The following LIPH variants were observed in gnomAD, a reference collection of about 807,000 sequenced individuals.
The protein encoded by LIPH is lipase H.
Under a neutral mutation model 47.6 loss-of-function variants are expected in LIPH, and 32 were observed. The observed-to-expected ratio is 0.67, with a 90% CI of 0.51 to 0.90. The LOEUF (loss-of-function observed/expected upper bound fraction) is 0.90, where lower values mean the gene tolerates loss of function less well. Ranked by LOEUF, LIPH falls within the 40% of genes least tolerant of loss-of-function variation. The pLI, the probability that LIPH is intolerant of heterozygous loss-of-function variation, is 0.00. For missense variants in LIPH, 497 were observed against 541.4 expected, an observed-to-expected ratio of 0.92 and a Z score of 0.81; for synonymous variants, 190 against 195.6, an observed-to-expected ratio of 0.97 and a Z score of 0.24.
At chr3:185,549,159 C>A (rs906871669) in intron 1 of LIPH, among the ~76,000 whole-genome samples, 1 of 150,098 alleles carries the variant, frequency 6.7e-6, no homozygotes, top group Non-Finnish European at 1.5e-5. Context: ...ATATTTGTTT[C>A]TTTTTTACCC....
intron 5 of LIPH, among the ~76,000 whole-genome samples, chr3:185,522,256 C>T (rs1436975227): frequency 6.6e-6 from 1 of 152,194 alleles, no homozygotes; most frequent in Non-Finnish European, 1.5e-5. Flanking sequence ...CTTCACTTAG[C>T]ACCCTCACCC....
chr3:185,546,855 A>C, intron 1 of LIPH: 1 of 430,530 alleles, frequency 2.3e-6, no homozygotes, highest in South Asian at 1.7e-5. Context: ...TCAGCTACAC[A>C]CTCAGCTCTG....
chr3:185,546,163 C>T (rs1044756358), intron 1 of LIPH, among the ~76,000 whole-genome samples: 1 of 150,882 alleles, frequency 6.6e-6, no homozygotes, highest in African/African-American at 2.4e-5. Flanking sequence ...GAGACTCTGT[C>T]TCAAAAATAA....
chr3:185,545,211 G>A (rs74428431), intron 1 of LIPH, among the ~76,000 whole-genome samples: 7,263 of 152,188 alleles, frequency 0.048, 283 homozygotes, highest in East Asian at 0.24. Flanking sequence ...GCCATTTCCT[G>A]TTGACAGTTG....
intron 1 of LIPH, among the ~76,000 whole-genome samples, chr3:185,537,758 C>G (rs1476897874): frequency 6.6e-6 from 1 of 152,120 alleles, no homozygotes. Context: ...TGAGATCATA[C>G]TTGAGAAGAC....
chr3:185,522,499 G>C (rs1048624868), intron 5 of LIPH, among the ~76,000 whole-genome samples: 1 of 147,800 alleles, frequency 6.8e-6, no homozygotes, highest in African/African-American at 2.5e-5. Context: ...GGAAGGAAAA[G>C]GAAGGAAGGA....
At chr3:185,522,250 A>G (rs1276362769) in intron 5 of LIPH, among the ~76,000 whole-genome samples, 1 of 152,142 alleles carries the variant, frequency 6.6e-6, no homozygotes, top group Non-Finnish European at 1.5e-5. Flanking sequence ...CAGCATCTTC[A>G]CTTAGCACCC....
intron 3 of LIPH, among the ~76,000 whole-genome samples, chr3:185,529,576 C>T (rs1268841252): frequency 6.6e-6 from 1 of 151,214 alleles, no homozygotes; most frequent in South Asian, 2.1e-4. Flanking sequence ...CCACACCTAG[C>T]CTACCTGGTT....
rs1720712252 is a variant in LIPH, at chr3:185,541,561, C to T, written c.50-6429G>A. Among the ~76,000 whole-genome samples the T allele has an allele frequency of 2.0e-5, 3 of 151,672 alleles. No individual in the cohort carries two copies. In the South Asian group the frequency reaches 6.2e-4, roughly 31 times the overall value. The stretch of plus-strand genomic sequence containing the variant: ...GTGAGACTACAGGTGAGTGCCACCA[C>T]ACCAGGCTATTTTTTTTGAATTTTG... On this transcript the variant is annotated intron_variant, in intron 1 of 9. Coordinates refer to ENST00000296252, the MANE Select transcript of LIPH (RefSeq NM_139248.3).
intron 6 of LIPH, among the ~76,000 whole-genome samples, chr3:185,518,827 T>G (rs1719811345): frequency 6.6e-6 from 1 of 152,022 alleles, no homozygotes; most frequent in African/African-American, 2.4e-5. Context: ...GCTCAAGTGA[T>G]CCTCCCACCT....
intron 4 of LIPH, among the ~76,000 whole-genome samples, chr3:185,526,580 TAA>T (rs1720085286): frequency 2.3e-5 from 1 of 43,862 alleles, no homozygotes; most frequent in Non-Finnish European, 4.9e-5. Flanking sequence ...AAAATAAAAA[TAA>T]GATAAAATAA....
intron 1 of LIPH, among the ~76,000 whole-genome samples, chr3:185,542,243 A>G (rs1459299129): frequency 6.6e-6 from 1 of 152,084 alleles, no homozygotes; most frequent in Non-Finnish European, 1.5e-5. Context: ...CTCATACTCT[A>G]AACAGGTGTC....
In LIPH at chr3:185,534,822, G is replaced by A; in HGVS notation, c.360C>T (p.Ala120=). 1 of 1,613,576 alleles carries A rather than the reference G, an allele frequency of 6.2e-7. No individual in the cohort carries two copies. Among genetic ancestry groups the A allele is most frequent in the Non-Finnish European group, 8.5e-7 (1 of 1,179,516 alleles). Residue 120 remains alanine, a synonymous_variant, in exon 2 of 10, where the codon GCC becomes GCT. Transcript: ENST00000296252. ...TGGCTACTTTTCTGGTCTTACTAGA[G>A]GCATGGGTATATATTAAAGTTGTAG... ...RGATTLIYTH[A]SSKTRKVAMV... is the part of the protein sequence containing the mutation.
At position 185,506,846 on chromosome 3, in the gene LIPH, A is replaced by C. The variant is rs1392243352; in HGVS notation, c.*1944T>G. ...GACTCCATCTAAAAAAAAAAAAAAA[A>C]AAAAAAAAAAAAAACCAGGGCCTAC... On this transcript the variant is annotated 3_prime_UTR_variant, in exon 10 of 10. Transcript: ENST00000296252. 2 of 149,612 alleles carry C rather than the reference A, an allele frequency of 1.3e-5. No individual in the cohort carries two copies. Among genetic ancestry groups the C allele is most frequent in the Non-Finnish European group, 1.5e-5 (1 of 67,650 alleles). The allele number at this position is 149,612 out of a possible 1,614,324, so 9.3% of individuals were successfully genotyped here.
In LIPH at chr3:185,508,804, C is replaced by G. The variant is rs1351473622; in HGVS notation, c.1342G>C (p.Glu448Gln). 1 of 1,613,072 alleles carries G rather than the reference C, an allele frequency of 6.2e-7. No individual in the cohort carries two copies. The change falls in exon 10 of 10, where the codon GAG (glutamate) becomes CAG (glutamine). Residue 448 changes from glutamate to glutamine, a missense_variant. Physicochemically the swap from Glu to Gln is conservative, Grantham distance 29. Transcript: ENST00000296252. ...ETVFQPILCPELQL is the reference protein window; with the variant it reads ...ETVFQPILCPQLQL ...CCTGGCAACAGTTACAACTGCAACT[C>G]TGGGCAAAGAATAGGTTGGAAGACT...
At chr3:185,541,398 T>C (rs895320628) in intron 1 of LIPH, among the ~76,000 whole-genome samples, 45 of 150,154 alleles carry the variant, frequency 3.0e-4, no homozygotes, top group African/African-American at 9.2e-4. Context: ...TTCTTTCTTT[T>C]TTTTTTTTTT....
chr3:185,515,335 C>T (rs1328799098), intron 7 of LIPH, among the ~76,000 whole-genome samples: 3 of 151,330 alleles, frequency 2.0e-5, no homozygotes, highest in South Asian at 2.1e-4. Flanking sequence ...AATTAAAACA[C>T]GCTACAACAG....
intron 7 of LIPH, 26 bp from the exon 8 acceptor site, chr3:185,514,547 A>C (rs2148947703): frequency 1.1e-6 from 1 of 884,542 alleles, no homozygotes; most frequent in East Asian, 2.4e-5. Flanking sequence ...AGAACACGGT[A>C]AGAGAGAGAT....
At chr3:185,525,881 G>A (rs1056912241) in intron 4 of LIPH, among the ~76,000 whole-genome samples, 16 of 152,150 alleles carry the variant, frequency 1.1e-4, no homozygotes, top group Admixed American at 5.9e-4. Flanking sequence ...CCAGAATGCC[G>A]ATGAGAGATG....
Sources: allele counts gnomAD v4.1 joint callset (sites outside exome capture counted in the v4.1 genomes callset), GRCh38; gene constraint gnomAD v4.1.1; transcripts MANE v1.5; gene names NCBI Gene and HGNC (gene_info 2026-07-23, HGNC 2026-07-21).